The following NEIL3 variants were observed in gnomAD, a reference collection of about 807,000 sequenced individuals.
NEIL3 encodes the protein nei like DNA glycosylase 3.
Under a neutral mutation model 57.5 loss-of-function variants are expected in NEIL3, and 48 were observed. That is an observed-to-expected ratio of 0.83 (90% confidence interval 0.66 to 1.06). The LOEUF (loss-of-function observed/expected upper bound fraction) is 1.06, where lower values mean the gene tolerates loss of function less well. NEIL3 is among the 50% of genes least tolerant of loss of function. NEIL3 has a pLI of 0.00. For missense variants in NEIL3, 717 were observed against 739.1 expected, an observed-to-expected ratio of 0.97 and a Z score of 0.35; for synonymous variants, 261 against 253.2, an observed-to-expected ratio of 1.03 and a Z score of -0.29.
intron 2 of NEIL3, among the ~76,000 whole-genome samples, chr4:177,334,077 C>A (rs1005507137): frequency 6.6e-6 from 1 of 151,716 alleles, no homozygotes; most frequent in Non-Finnish European, 1.5e-5. Context: ...TATGAGGAAT[C>A]CTGAAAAGCA....
chr4:177,344,032 A>C (rs1735159627), intron 6 of NEIL3, among the ~76,000 whole-genome samples: 2 of 152,162 alleles, frequency 1.3e-5, no homozygotes, highest in Admixed American at 6.5e-5. Context: ...TATTTATCAC[A>C]TAAATAGTTG....
At chr4:177,328,072 A>T (rs1206741626) in intron 2 of NEIL3, among the ~76,000 whole-genome samples, 1 of 152,168 alleles carries the variant, frequency 6.6e-6, no homozygotes, top group Non-Finnish European at 1.5e-5. Context: ...ACTGAGTTTC[A>T]TCTGATATTC....
intron 2 of NEIL3, among the ~76,000 whole-genome samples, chr4:177,330,905 G>T (rs1025772113): frequency 4.6e-5 from 7 of 152,150 alleles, no homozygotes; most frequent in African/African-American, 1.7e-4. Context: ...CTTGCCACAT[G>T]TGGGTAGTGG....
At chr4:177,350,448 A>G (rs28416423) in intron 6 of NEIL3, among the ~76,000 whole-genome samples, 23,233 of 152,148 alleles carry the variant, frequency 0.15, 2,395 homozygotes, top group Admixed American at 0.26. Context: ...CATGATTTAT[A>G]TTTGTGGCCA....
intron 8 of NEIL3, among the ~76,000 whole-genome samples, chr4:177,357,779 G>A (rs762067814): frequency 5.3e-5 from 8 of 152,078 alleles, no homozygotes; most frequent in Non-Finnish European, 1.2e-4. Context: ...AACTTAGACC[G>A]TAAGACCAGC....
chr4:177,319,491 G>T (rs139457549), intron 1 of NEIL3, among the ~76,000 whole-genome samples: 129 of 152,224 alleles, frequency 8.5e-4, no homozygotes, highest in African/African-American at 2.9e-3. Flanking sequence ...GGGGGAACAA[G>T]TGGTGTTTGG....
intron 5 of NEIL3, 113 bp from the exon 6 acceptor site, chr4:177,341,359 AACAT>A: frequency 1.4e-6 from 1 of 735,658 alleles, no homozygotes; most frequent in Non-Finnish European, 2.2e-6. Context: ...CATATGTACA[AACAT>A]ATGTAAATTT....
Position 177,335,759 on chromosome 4 carries a change from C to A in NEIL3, c.350C>A (p.Pro117His), listed in dbSNP as rs7689099. The change falls in exon 3 of 10, where the codon CCT becomes CAT. Residue 117 changes from proline to histidine, a missense_variant. Pro to His is a moderately conservative substitution (Grantham distance 77, BLOSUM62 -2). Transcript: ENST00000264596. Reference sequence around the variant, plus strand: ...TATAAATATAAAAATGGAGCTTCTCCTGTTTTGGAAGTGCAGCTCACCAAA... The same window carrying A: ...TATAAATATAAAAATGGAGCTTCTCATGTTTTGGAAGTGCAGCTCACCAAA... ...LEYKYKNGAS[P>H]VLEVQLTKDL... 5.6e-6 allele frequency: 9 copies of A among 1,593,676 alleles called. No individual in the cohort carries two copies. Among genetic ancestry groups the A allele is most frequent in the Non-Finnish European group, 6.8e-6 (8 of 1,172,068 alleles).
intron 1 of NEIL3, 51 bp from the exon 2 acceptor site, chr4:177,322,408 T>C (rs1578988898): frequency 6.2e-7 from 1 of 1,607,966 alleles, no homozygotes; most frequent in East Asian, 2.2e-5. Flanking sequence ...ATGCTTTTGC[T>C]TAGAGTTTGT....
At chr4:177,370,823 C>G in the NEIL3 span, among the ~76,000 whole-genome samples, 3 of 152,032 alleles carry the variant, frequency 2.0e-5, no homozygotes, top group African/African-American at 4.8e-5. Flanking sequence ...ATCACTTGAG[C>G]CAGGGAGGTC....
chr4:177,326,759 A>G (rs1734786342), intron 2 of NEIL3, among the ~76,000 whole-genome samples: 1 of 152,126 alleles, frequency 6.6e-6, no homozygotes, highest in Non-Finnish European at 1.5e-5. Context: ...AGCTTCAGAC[A>G]TATTTTATAT....
At chr4:177,318,754 T>C (rs567674507) in intron 1 of NEIL3, among the ~76,000 whole-genome samples, 1 of 152,218 alleles carries the variant, frequency 6.6e-6, no homozygotes, top group Non-Finnish European at 1.5e-5. Flanking sequence ...TTCATCTCCA[T>C]TTCTTTTCCG....
At position 177,310,229 on chromosome 4, in the gene NEIL3, C is replaced by G. The variant is rs34258054; in HGVS notation, c.156+120C>G. On this transcript the variant is annotated intron_variant, in intron 1 of 9. Transcript: ENST00000264596. Reference sequence around the variant, plus strand: ...CTCTGGCCCAGGTTTCCTGGGGTCCCACCTTTCACAGAGTTTATCGTCACT... The same window carrying G: ...CTCTGGCCCAGGTTTCCTGGGGTCCGACCTTTCACAGAGTTTATCGTCACT... 134 of 1,117,532 alleles carry G rather than the reference C, an allele frequency of 1.2e-4. 1 individual carries two copies. The African/African-American group carries it at 1.9e-3, about 16-fold the overall frequency. The allele number at this position is 1,117,532 out of a possible 1,614,324, so 69.2% of individuals were successfully genotyped here. A position where few individuals can be genotyped will look rare whatever the true frequency, so the allele number is the denominator to read the frequency against.
At chr4:177,365,507 C>T (rs999497305), downstream of NEIL3, among the ~76,000 whole-genome samples, 3 of 152,138 alleles carry the variant, frequency 2.0e-5, no homozygotes. Context: ...TAACTCATCA[C>T]CACTACAACC....
rs1553989933 is a variant in NEIL3 at position 177,362,281 on chromosome 4, T to G, written c.1636-8T>G. On this transcript the variant is annotated splice_region_variant and splice_polypyrimidine_tract_variant and intron_variant, in intron 9 of 9. Coordinates refer to ENST00000264596, the MANE Select transcript of NEIL3 (RefSeq NM_018248.3). The stretch of plus-strand genomic sequence containing the variant: ...ATAAACTTGTAAATTTACCTTTTTT[T>G]CCTGCAGTGGGCAGATTTGTCCTTC... 6.3e-7 allele frequency: 1 copy of G among 1,589,626 alleles called. No individual in the cohort carries two copies. The highest frequency in any genetic ancestry group is 8.5e-7 in the Non-Finnish European group (1 of 1,169,910).
chr4:177,348,527 G>T (rs1735272695), intron 6 of NEIL3, among the ~76,000 whole-genome samples: 1 of 152,108 alleles, frequency 6.6e-6, no homozygotes, highest in African/African-American at 2.4e-5. Flanking sequence ...CAGATGTGAG[G>T]TGATGCTGGC....
At chr4:177,347,030 C>CCTAT (rs1269439825) in intron 6 of NEIL3, among the ~76,000 whole-genome samples, 1 of 151,610 alleles carries the variant, frequency 6.6e-6, no homozygotes, top group Non-Finnish European at 1.5e-5. Context: ...AAAGAAAAAA[C>CCTAT]CTATCTATAC....
chr4:177,316,860 A>G (rs1375813873), intron 1 of NEIL3, among the ~76,000 whole-genome samples: 1 of 152,200 alleles, frequency 6.6e-6, no homozygotes, highest in Non-Finnish European at 1.5e-5. Context: ...TGGCAGGTAG[A>G]AAGCCTCAAG....
downstream of NEIL3, among the ~76,000 whole-genome samples, chr4:177,364,277 G>A (rs949645367): frequency 3.3e-5 from 5 of 152,078 alleles, no homozygotes; most frequent in East Asian, 1.9e-4. Context: ...TCTAGATTCC[G>A]GACAAAATCA....
Sources: gnomAD v4.1 joint callset for allele counts (sites outside exome capture counted in the v4.1 genomes callset) on GRCh38, gnomAD v4.1.1 for gene constraint, MANE v1.5 for transcripts, NCBI Gene and HGNC (gene_info 2026-07-23, HGNC 2026-07-21) for gene names.